The following FBXW7 variants were observed in gnomAD, a reference collection of about 807,000 sequenced individuals.
The protein encoded by FBXW7 is F-box and WD repeat domain containing 7.
FBXW7 carries 11 observed loss-of-function variants against 86.3 expected under a neutral mutation model. The ratio of observed to expected loss-of-function variants is 0.13; its 90% confidence interval spans 0.08 to 0.21. The LOEUF (loss-of-function observed/expected upper bound fraction) is 0.21. Ranked by LOEUF, FBXW7 falls within the 10% of genes least tolerant of loss-of-function variation. The pLI is 1.00. For missense variants in FBXW7, 488 were observed against 847.4 expected, an observed-to-expected ratio of 0.58 and a Z score of 5.27; for synonymous variants, 313 against 297.9, an observed-to-expected ratio of 1.05 and a Z score of -0.52.
At chr4:152,389,707 C>T (rs1016613567) in intron 4 of FBXW7, among the ~76,000 whole-genome samples, 4 of 151,868 alleles carry the variant, frequency 2.6e-5, no homozygotes, top group African/African-American at 7.3e-5. Flanking sequence ...AATTTCACCA[C>T]TATGTAATAT....
intron 4 of FBXW7, among the ~76,000 whole-genome samples, chr4:152,363,268 A>G (rs1301304647): frequency 6.6e-6 from 1 of 152,194 alleles, no homozygotes; most frequent in African/African-American, 2.4e-5. Flanking sequence ...TTCAAATGTT[A>G]TATTTTTAGA....
intron 2 of FBXW7, among the ~76,000 whole-genome samples, chr4:152,476,447 G>C (rs1282532672): frequency 6.6e-6 from 1 of 152,110 alleles, no homozygotes; most frequent in East Asian, 1.9e-4. Context: ...CAATTCATAA[G>C]AGAAAAACCT....
At chr4:152,390,843 AGTAATTGT>A (rs1735937249) in intron 4 of FBXW7, among the ~76,000 whole-genome samples, 1 of 151,926 alleles carries the variant, frequency 6.6e-6, no homozygotes, top group Non-Finnish European at 1.5e-5. Context: ...AAATACAGTA[AGTAATTGT>A]GTGTTTTTTT....
chr4:152,346,216 T>C (rs374576055), intron 6 of FBXW7, among the ~76,000 whole-genome samples: 1 of 152,200 alleles, frequency 6.6e-6, no homozygotes, highest in South Asian at 2.1e-4. Context: ...ATAAATACTA[T>C]TAAAATATAG....
rs752114536 is a variant in FBXW7, at chr4:152,346,985, C to T, written c.671G>A (p.Arg224Gln). ...AANGQGQQRR[R>Q]ITSVQPPTGL... ...TGTAGGTGGCTGGACAGATGTAATT[C>T]GGCGTCGTTGTTGCCCTTGGCCATT... Residue 224 changes from arginine to glutamine, a missense_variant, in exon 6 of 14, where the codon CGA becomes CAA. Physicochemically the swap from Arg to Gln is conservative, Grantham distance 43. Coordinates refer to ENST00000281708, the MANE Select transcript of FBXW7 (RefSeq NM_001349798.2). The T allele has an allele frequency of 1.4e-5, 22 of 1,613,046 alleles. No individual in the cohort carries two copies. The highest frequency in any genetic ancestry group is 1.9e-5 in the Non-Finnish European group (22 of 1,179,772).
chr4:152,444,111 A>G (rs1467806275), intron 2 of FBXW7, among the ~76,000 whole-genome samples: 5 of 152,160 alleles, frequency 3.3e-5, no homozygotes, highest in African/African-American at 1.2e-4. Flanking sequence ...GTTACACTAC[A>G]TGAAAATGCT....
chr4:152,330,919 A>C, intron 8 of FBXW7, 51 bp from the exon 9 acceptor site: 1 of 1,555,094 alleles, frequency 6.4e-7, no homozygotes, highest in Non-Finnish European at 8.8e-7. Flanking sequence ...AATAACAGTT[A>C]TACATTTTAT....
chr4:152,468,271 A>G (rs1351754120), intron 2 of FBXW7, among the ~76,000 whole-genome samples: 3 of 151,716 alleles, frequency 2.0e-5, no homozygotes, highest in Non-Finnish European at 2.9e-5. Flanking sequence ...GAGCAATCCC[A>G]CCCCATCCAT....
At chr4:152,434,940 AAC>A (rs1740241033) in intron 2 of FBXW7, among the ~76,000 whole-genome samples, 1 of 131,140 alleles carries the variant, frequency 7.6e-6, no homozygotes, top group Non-Finnish European at 1.6e-5. Flanking sequence ...CTGTTCCCCC[AAC>A]CTCCTTTCCC....
intron 2 of FBXW7, among the ~76,000 whole-genome samples, chr4:152,442,785 C>A (rs760031876): frequency 2.6e-5 from 4 of 152,140 alleles, no homozygotes; most frequent in Non-Finnish European, 5.9e-5. Context: ...GACAGACCAA[C>A]AAGGACAGTA....
chr4:152,361,545 A>G (rs945943013), intron 4 of FBXW7, among the ~76,000 whole-genome samples: 21 of 152,212 alleles, frequency 1.4e-4, no homozygotes, highest in African/African-American at 4.8e-4. Context: ...TGTAAGACTG[A>G]TAGTTAGAAG....
At chr4:152,391,823 G>T (rs1736021288) in intron 4 of FBXW7, among the ~76,000 whole-genome samples, 1 of 152,052 alleles carries the variant, frequency 6.6e-6, no homozygotes, top group Admixed American at 6.6e-5. Flanking sequence ...TTTAACCCTG[G>T]TATGTCTAAT....
chr4:152,511,780 C>T (rs1268660152), intron 2 of FBXW7, among the ~76,000 whole-genome samples: 8 of 152,230 alleles, frequency 5.3e-5, no homozygotes, highest in South Asian at 2.1e-4. Flanking sequence ...ATGTATACTA[C>T]GCTTTTCTCT....
intron 4 of FBXW7, among the ~76,000 whole-genome samples, chr4:152,351,351 G>A (rs531343794): frequency 2.6e-5 from 4 of 152,194 alleles, no homozygotes; most frequent in African/African-American, 7.2e-5. Context: ...GGCTAGAGGT[G>A]AGGGTACAAC....
At chr4:152,497,417 T>C (rs1159428450) in intron 2 of FBXW7, among the ~76,000 whole-genome samples, 1 of 145,842 alleles carries the variant, frequency 6.9e-6, no homozygotes, top group East Asian at 2.0e-4. Flanking sequence ...ACCATTAATA[T>C]CCAGATTATA....
At chr4:152,518,432 G>A in intron 2 of FBXW7, among the ~76,000 whole-genome samples, 1 of 151,952 alleles carries the variant, frequency 6.6e-6, no homozygotes. Context: ...AAGTAACTAG[G>A]ACTACAGGTG....
chr4:152,405,643 A>G (rs114947257), intron 4 of FBXW7, among the ~76,000 whole-genome samples: 1,556 of 152,342 alleles, frequency 0.01, 19 homozygotes, highest in East Asian at 0.043. Context: ...TGATGCAAAC[A>G]GAAGCCCAAG....
chr4:152,515,552 A>G (rs1407981304), intron 2 of FBXW7, among the ~76,000 whole-genome samples: 1 of 152,218 alleles, frequency 6.6e-6, no homozygotes, highest in Non-Finnish European at 1.5e-5. Flanking sequence ...TTATATCACC[A>G]TAATTATTAC....
intron 11 of FBXW7, 42 bp from the exon 12 acceptor site, chr4:152,326,273 C>T (rs1379381338): frequency 6.6e-7 from 1 of 1,510,250 alleles, no homozygotes; most frequent in Middle Eastern, 1.7e-4. Context: ...AACAAAAAAA[C>T]CCACGTTTAG....
Sources: allele counts gnomAD v4.1 joint callset (sites outside exome capture counted in the v4.1 genomes callset), GRCh38; gene constraint gnomAD v4.1.1; transcripts MANE v1.5; gene names NCBI Gene and HGNC (gene_info 2026-07-23, HGNC 2026-07-21).